Variants in CDK10 observed in about 807,000 individuals in gnomAD.
CDK10 encodes the protein cyclin-dependent kinase 10.
In CDK10, 55 loss-of-function variants were observed where a neutral mutation model predicts 51.0. That is an observed-to-expected ratio of 1.08 (90% CI 0.87 to 1.35). The LOEUF (loss-of-function observed/expected upper bound fraction) is 1.35. Ranked by LOEUF, CDK10 falls within the 40% of genes most tolerant of loss-of-function variation. The pLI is 0.00. For synonymous variants in CDK10, 255 were observed against 199.1 expected, an observed-to-expected ratio of 1.28 and a Z score of -2.36; for missense variants, 589 against 485.1, an observed-to-expected ratio of 1.21 and a Z score of -2.01.
chr16:89,687,438 A>G (rs2060243288), intron 1 of CDK10: 1 of 455,400 alleles, frequency 2.2e-6, no homozygotes, highest in South Asian at 1.5e-5. Context: ...TTCAGTAAGA[A>G]TCATTAACAG....
chr16:89,693,407 GCCTGGCC>G lies in CDK10; in HGVS notation c.550_556del (p.Leu184GlyfsTer7), dbSNP rs1597864006. Reference sequence around the variant, plus strand: ...CCCCTCTCTGCTGCAGCGGATTTCGGCCTGGCCCGGGCCTATGGTGTCCCAGTAAAGC... The same window carrying G: ...CCCCTCTCTGCTGCAGCGGATTTCGGCGGGCCTATGGTGTCCCAGTAAAGC... On this transcript the variant is annotated frameshift_variant, in exon 8 of 13. Coordinates refer to ENST00000353379, the MANE Select transcript of CDK10 (RefSeq NM_052988.5). LOFTEE classifies it high-confidence loss of function. The G allele has an allele frequency of 6.2e-7, 1 of 1,614,164 alleles. No homozygotes were observed. The highest frequency in any genetic ancestry group is 1.7e-4 in the Middle Eastern group (1 of 6,060).
intron 1 of CDK10, chr16:89,687,234 C>A (rs1398668745): frequency 3.0e-6 from 1 of 331,140 alleles, no homozygotes; most frequent in South Asian, 2.3e-5. Flanking sequence ...CGCTGCCTGG[C>A]GGCTTCACGC....
At chr16:89,693,074 C>G (rs1437989474) in intron 6 of CDK10, among the ~76,000 whole-genome samples, 200 bp from the exon 7 acceptor site, 1 of 150,744 alleles carries the variant, frequency 6.6e-6, no homozygotes, top group East Asian at 1.9e-4. Flanking sequence ...GGAGGCGGAG[C>G]TTGCAGTGAG....
intron 12 of CDK10, 47 bp downstream of exon 12, chr16:89,695,392 G>A (rs1242004654): frequency 6.3e-7 from 1 of 1,584,362 alleles, no homozygotes; most frequent in Non-Finnish European, 8.6e-7. Flanking sequence ...ATGGCTGGGA[G>A]CCCGTTTTGC....
chr16:89,687,545 A>G, intron 1 of CDK10: 2 of 455,314 alleles, frequency 4.4e-6, no homozygotes, highest in Non-Finnish European at 8.8e-6. Context: ...TCTGGGGTGA[A>G]GTAGTGAGTT....
intron 1 of CDK10, among the ~76,000 whole-genome samples, chr16:89,688,904 C>G (rs543880489): frequency 6.6e-6 from 1 of 152,266 alleles, no homozygotes; most frequent in South Asian, 2.1e-4. Context: ...AGCTCAAGAC[C>G]AGCCTGGCCA....
chr16:89,687,672 T>A (rs906998229), intron 1 of CDK10: 1 of 440,124 alleles, frequency 2.3e-6, no homozygotes, highest in Non-Finnish European at 4.7e-6. Flanking sequence ...CAAGTGATCT[T>A]CCTGCCTCGG....
chr16:89,694,499 C>A, intron 9 of CDK10, 166 bp from the exon 10 acceptor site: 1 of 1,301,328 alleles, frequency 7.7e-7, no homozygotes, highest in Non-Finnish European at 1.1e-6. Flanking sequence ...CTGCGGGGCC[C>A]AGGAGGGGAG....
At chr16:89,693,137 CA>C (rs56171201) in intron 6 of CDK10, 136 bp from the exon 7 acceptor site, 214,668 of 548,542 alleles carry the variant, frequency 0.39, 8,128 homozygotes, top group Middle Eastern at 0.47. Context: ...GACTCTGTCT[CA>C]AAAAAAAAAA....
At chr16:89,691,918 A>G in intron 5 of CDK10, 31 bp downstream of exon 5, 1 of 1,556,922 alleles carries the variant, frequency 6.4e-7, no homozygotes. Flanking sequence ...GGGTGGGGGA[A>G]TGGGCTTCAT....
Position 89,696,143 on chromosome 16 carries a change from C to G in CDK10, c.*451C>G. ...GTGCATGGGTTGGCTGTGGGGACCC[C>G]AGGTGGGCCTGGCAGGACTCCAGAT... is the stretch of plus-strand genomic sequence containing the variant. On this transcript the variant is annotated 3_prime_UTR_variant, in exon 13 of 13. Coordinates refer to ENST00000353379, the MANE Select transcript of CDK10 (RefSeq NM_052988.5). 2.7e-6 allele frequency: 1 copy of G among 365,228 alleles called. No homozygotes were observed. Among genetic ancestry groups the G allele is most frequent in the Non-Finnish European group, 5.2e-6 (1 of 194,120 alleles). 22.6% of individuals were successfully genotyped at this position (365,228 alleles called of 1,614,324 possible).
In CDK10 at chr16:89,687,012, G is replaced by A. The variant is rs1362587832; in HGVS notation, c.87+215G>A. The A allele has an allele frequency of 8.4e-6, 4 of 477,094 alleles. No homozygotes were observed. In the Admixed American group the frequency reaches 1.3e-4, roughly 15 times the overall value. 29.6% of individuals were successfully genotyped at this position (477,094 alleles called of 1,614,324 possible). On this transcript the variant is annotated intron_variant, in intron 1 of 12. Transcript: ENST00000353379. ...CTGGAGATCTGAGGGGCCGGGGCGGGCTCAGGGATGCCTCGCGCCCGCGGA... is the reference window on the plus strand; with the variant it reads ...CTGGAGATCTGAGGGGCCGGGGCGGACTCAGGGATGCCTCGCGCCCGCGGA...
chr16:89,695,113 A>T, intron 11 of CDK10, 43 bp downstream of exon 11: 1 of 1,593,092 alleles, frequency 6.3e-7, no homozygotes, highest in Non-Finnish European at 8.5e-7. Context: ...CACCACCCAC[A>T]CTGTCCAGAC....
intron 6 of CDK10, among the ~76,000 whole-genome samples, chr16:89,693,070 G>A (rs138074265): frequency 0.013 from 2,010 of 151,468 alleles, 49 homozygotes; most frequent in African/African-American, 0.046. Flanking sequence ...CCCGGGAGGC[G>A]GAGCTTGCAG....
At chr16:89,691,390 G>A in intron 3 of CDK10, 53 bp from the exon 4 acceptor site, 1 of 1,385,216 alleles carries the variant, frequency 7.2e-7, no homozygotes, top group Non-Finnish European at 9.9e-7. Flanking sequence ...CTGGGGTTGG[G>A]GCTTCCCCGC....
rs777061417 is a variant in CDK10, at chr16:89,694,157, G to A, written c.609-16G>A. On this transcript the variant is annotated splice_polypyrimidine_tract_variant and intron_variant, in intron 8 of 12. Coordinates refer to ENST00000353379, the MANE Select transcript of CDK10 (RefSeq NM_052988.5). ...AGAGGAGCCGGCTGTATTGAGGTGGGTGCTTCTGTGTGTAGGTACCGAGCC... is the reference window on the plus strand; with the variant it reads ...AGAGGAGCCGGCTGTATTGAGGTGGATGCTTCTGTGTGTAGGTACCGAGCC... 5.6e-6 allele frequency: 9 copies of A among 1,613,730 alleles called. No individual in the cohort carries two copies. In the South Asian group the frequency reaches 9.9e-5, roughly 18 times the overall value.
At position 89,695,169 on chromosome 16, in the gene CDK10, A is replaced by G. The variant is rs1024766354; in HGVS notation, c.932+99A>G. ...CACTGCGGTGGAGAGGCCCCTCCCC[A>G]GGCACAGCCGCTCGGAGTGGCCACC... On this transcript the variant is annotated intron_variant, in intron 11 of 12. Transcript: ENST00000353379. 6 of 1,542,312 alleles carry G rather than the reference A, an allele frequency of 3.9e-6. No homozygotes were observed. In the South Asian group the frequency reaches 6.0e-5, roughly 15 times the overall value.
chr16:89,690,604 G>A lies in CDK10; in HGVS notation c.212G>A (p.Arg71Gln), dbSNP rs545928273. Residue 71 changes from arginine to glutamine, a missense_variant, in exon 3 of 13, where the codon CGG becomes CAG. Arg to Gln is a conservative substitution (Grantham distance 43). Transcript: ENST00000353379. The stretch of plus-strand genomic sequence containing the variant: ...GAGATTGTCGCACTGAAGAAGGTGC[G>A]GATGGACAAGGAGAAGGATGGTGAG... Reference protein sequence around the residue: ...TDEIVALKKVRMDKEKDGIPI... With the variant: ...TDEIVALKKVQMDKEKDGIPI... The A allele has an allele frequency of 5.6e-6, 9 of 1,614,084 alleles. No homozygotes were observed. The highest frequency in any genetic ancestry group is 4.0e-5 in the African/African-American group (3 of 75,056).
chr16:89,689,345 C>T (rs767215693), intron 2 of CDK10, 21 bp downstream of exon 2: 2 of 1,604,446 alleles, frequency 1.2e-6, no homozygotes, highest in South Asian at 1.1e-5. Flanking sequence ...AAGGCTAGGA[C>T]ATGTGGCCGC....
Sources: gnomAD v4.1 joint callset for allele counts (sites outside exome capture counted in the v4.1 genomes callset) on GRCh38, gnomAD v4.1.1 for gene constraint, MANE v1.5 for transcripts, NCBI Gene and HGNC (gene_info 2026-07-23, HGNC 2026-07-21) for gene names.